The following SIAH3 variants were observed in gnomAD, a reference collection of about 807,000 sequenced individuals.
The protein encoded by SIAH3 is seven in absentia homolog 3.
SIAH3 carries 9 observed loss-of-function variants against 12.6 expected under a neutral mutation model. The observed-to-expected ratio is 0.72, with a 90% CI of 0.43 to 1.25. SIAH3 has a LOEUF of 1.25. SIAH3 is among the 50% of genes most tolerant of loss of function. The pLI, the probability that SIAH3 is intolerant of heterozygous loss-of-function variation, is 0.00. For missense variants in SIAH3, 390 were observed against 365.4 expected (o/e 1.07, Z -0.55); for synonymous variants, 154 against 151.1 (o/e 1.02, Z -0.14).
chr13:45,836,805 A>T (rs1950719471), intron 1 of SIAH3, among the ~76,000 whole-genome samples: 1 of 152,220 alleles, frequency 6.6e-6, no homozygotes, highest in South Asian at 2.1e-4. Context: ...TGCCTCAGTC[A>T]GTAACCTTGT....
At chr13:45,804,353 A>G (rs1350171117) in intron 1 of SIAH3, among the ~76,000 whole-genome samples, 2 of 152,180 alleles carry the variant, frequency 1.3e-5, no homozygotes, top group Non-Finnish European at 1.5e-5. Context: ...TTCTATTTAC[A>G]TGAACTGTCC....
intron 1 of SIAH3, among the ~76,000 whole-genome samples, chr13:45,826,432 A>AGTGG (rs1477683909): frequency 4.6e-4 from 23 of 50,316 alleles, no homozygotes; most frequent in Admixed American, 1.6e-3. Flanking sequence ...TGGATGGATG[A>AGTGG]ATGGATGCAT....
rs759521776 is a variant in SIAH3 at position 45,780,405 on chromosome 13, A to G, written c.*2978T>C. The G allele has an allele frequency of 6.6e-6, 1 of 152,054 alleles. No homozygotes were observed. Among genetic ancestry groups the G allele is most frequent in the Admixed American group, 6.5e-5 (1 of 15,274 alleles). The allele number at this position is 152,054 out of a possible 1,614,324, so 9.4% of individuals were successfully genotyped here. A position where few individuals can be genotyped will look rare whatever the true frequency, so the allele number is the denominator to read the frequency against. Reference sequence around the variant, plus strand: ...CCCTGTCTTGGCCTCCGAGTAGTTAAGACTATAGGCTTGTGTCACCATGCC... The same window carrying G: ...CCCTGTCTTGGCCTCCGAGTAGTTAGGACTATAGGCTTGTGTCACCATGCC... On this transcript the variant is annotated 3_prime_UTR_variant, in exon 2 of 2. Coordinates refer to ENST00000400405, the MANE Select transcript of SIAH3 (RefSeq NM_198849.3).
chr13:45,844,565 A>T (rs563638726), intron 1 of SIAH3, among the ~76,000 whole-genome samples: 16 of 152,338 alleles, frequency 1.1e-4, no homozygotes, highest in Middle Eastern at 3.4e-3. Flanking sequence ...TCTAGCTTGC[A>T]GATGGGCATG....
chr13:45,833,271 C>T (rs2137578138), intron 1 of SIAH3, among the ~76,000 whole-genome samples: 1 of 152,302 alleles, frequency 6.6e-6, no homozygotes, highest in East Asian at 1.9e-4. Context: ...ATTTCTCTTC[C>T]ATCATCCATG....
At chr13:45,850,596 A>T (rs1200289668) in intron 1 of SIAH3, among the ~76,000 whole-genome samples, 1 of 151,648 alleles carries the variant, frequency 6.6e-6, no homozygotes, top group East Asian at 1.9e-4. Flanking sequence ...CACCTCCCTG[A>T]CTTCCCCTCC....
intron 1 of SIAH3, among the ~76,000 whole-genome samples, chr13:45,837,064 G>T (rs1190510269): frequency 1.3e-5 from 2 of 152,202 alleles, no homozygotes; most frequent in East Asian, 3.8e-4. Flanking sequence ...GTCTGGATTT[G>T]TGTCCCCTAG....
chr13:45,797,407 A>G (rs1325728062), intron 1 of SIAH3, among the ~76,000 whole-genome samples: 2 of 152,088 alleles, frequency 1.3e-5, no homozygotes, highest in African/African-American at 4.8e-5. Context: ...CTCTGTCTGC[A>G]TTTCCCCATC....
rs774159493 is a variant in SIAH3, at chr13:45,851,580, A to G, written c.50T>C (p.Leu17Pro). Residue 17 changes from leucine to proline, a missense_variant, in exon 1 of 2, where the codon CTC (leucine) becomes CCC (proline). Physicochemically the swap from Leu to Pro is moderately conservative, Grantham distance 98. Coordinates refer to ENST00000400405, the MANE Select transcript of SIAH3 (RefSeq NM_198849.3). ...TTTAGCCTTGTAGTGCTGAAACCGGAGATGAATGAGATCTAATACAGCCCC... is the reference window on the plus strand; with the variant it reads ...TTTAGCCTTGTAGTGCTGAAACCGGGGATGAATGAGATCTAATACAGCCCC... ...CFGAVLDLIH[L>P]RFQHYKAKRV... 4 of 1,614,084 alleles carry G rather than the reference A, an allele frequency of 2.5e-6. No homozygotes were observed. The highest frequency in any genetic ancestry group is 3.4e-6 in the Non-Finnish European group (4 of 1,180,052).
At chr13:45,847,622 C>CGTGTGTGTGT (rs112078778) in intron 1 of SIAH3, among the ~76,000 whole-genome samples, 10,715 of 146,820 alleles carry the variant, frequency 0.073, 555 homozygotes, top group African/African-American at 0.14. Context: ...TCCATGTGTT[C>CGTGTGTGTGT]GTGTGTGTGT....
intron 1 of SIAH3, among the ~76,000 whole-genome samples, chr13:45,806,521 A>T (rs1950598989): frequency 6.6e-6 from 1 of 152,212 alleles, no homozygotes; most frequent in Non-Finnish European, 1.5e-5. Flanking sequence ...AACATTGAGT[A>T]CACACGCATA....
chr13:45,818,595 A>G (rs976895320), intron 1 of SIAH3, among the ~76,000 whole-genome samples: 3 of 152,238 alleles, frequency 2.0e-5, no homozygotes, highest in African/African-American at 7.2e-5. Context: ...GGCAGCTGGC[A>G]TTCCTTGGCT....
chr13:45,844,697 A>G (rs921139083), intron 1 of SIAH3, among the ~76,000 whole-genome samples: 2 of 152,176 alleles, frequency 1.3e-5, no homozygotes, highest in Non-Finnish European at 2.9e-5. Flanking sequence ...TGACTAATAC[A>G]TATTTGGTAC....
intron 1 of SIAH3, among the ~76,000 whole-genome samples, chr13:45,801,553 A>T (rs1950582584): frequency 6.6e-6 from 1 of 152,178 alleles, no homozygotes; most frequent in South Asian, 2.1e-4. Context: ...TGCAGGCTGT[A>T]TTGAATATTA....
At chr13:45,785,706 G>T (rs771124180) in intron 1 of SIAH3, among the ~76,000 whole-genome samples, 10 of 152,208 alleles carry the variant, frequency 6.6e-5, no homozygotes, top group Non-Finnish European at 1.0e-4. Context: ...TCCATCTGCT[G>T]GTTTCCTCAT....
intron 1 of SIAH3, among the ~76,000 whole-genome samples, 193 bp from the exon 2 acceptor site, chr13:45,784,250 G>A (rs1272856336): frequency 2.0e-5 from 3 of 152,088 alleles, no homozygotes; most frequent in Non-Finnish European, 4.4e-5. Context: ...TTGGGGTGGG[G>A]GGTGTTGAGA....
chr13:45,796,574 T>A (rs1950563502), intron 1 of SIAH3, among the ~76,000 whole-genome samples: 1 of 152,114 alleles, frequency 6.6e-6, no homozygotes, highest in African/African-American at 2.4e-5. Context: ...AGAAACACAG[T>A]AGATAAGTTG....
At chr13:45,832,164 C>A (rs1950701707) in intron 1 of SIAH3, among the ~76,000 whole-genome samples, 1 of 152,222 alleles carries the variant, frequency 6.6e-6, no homozygotes, top group Non-Finnish European at 1.5e-5. Flanking sequence ...TTGATTTGAG[C>A]AAAGTAAATA....
At chr13:45,828,768 G>A (rs1421324360) in intron 1 of SIAH3, among the ~76,000 whole-genome samples, 1 of 152,166 alleles carries the variant, frequency 6.6e-6, no homozygotes, top group Non-Finnish European at 1.5e-5. Flanking sequence ...GTTTCCTCTA[G>A]GATTGAATTC....
Sources: allele counts gnomAD v4.1 joint callset (sites outside exome capture counted in the v4.1 genomes callset), GRCh38; gene constraint gnomAD v4.1.1; transcripts MANE v1.5; gene names NCBI Gene and HGNC (gene_info 2026-07-23, HGNC 2026-07-21).